Variants in CEP295 observed in about 807,000 individuals in gnomAD.
The protein encoded by CEP295 is centrosomal protein of 295 kDa.
In CEP295, 190 loss-of-function variants were observed where a neutral mutation model predicts 291.6. That is an observed-to-expected ratio of 0.65 (90% CI 0.58 to 0.73). The LOEUF (loss-of-function observed/expected upper bound fraction) is 0.73, where lower values mean the gene tolerates loss of function less well. Ranked by LOEUF, CEP295 falls within the 30% of genes least tolerant of loss-of-function variation. The pLI, the probability that CEP295 is intolerant of heterozygous loss-of-function variation, is 0.00. For synonymous variants in CEP295, 993 were observed against 1,038.8 expected (o/e 0.96, Z 0.85); for missense variants, 2,863 against 2,949.4 (o/e 0.97, Z 0.68).
intron 18 of CEP295, among the ~76,000 whole-genome samples, chr11:93,714,341 TC>T (rs1953096436): frequency 6.6e-6 from 1 of 152,114 alleles, no homozygotes; most frequent in Admixed American, 6.5e-5. Flanking sequence ...ACTTCTGCCT[TC>T]CAGGTTCAGG....
Position 93,697,570 on chromosome 11 carries a change from G to A in CEP295, c.2658G>A (p.Ser886=), listed in dbSNP as rs747546959. The A allele has an allele frequency of 7.1e-6, 11 of 1,551,552 alleles. No individual in the cohort carries two copies. The South Asian group carries it at 7.1e-5, about 10-fold the overall frequency. ...QKEVEQQTGL[S]VFLPLVTPDS... The stretch of plus-strand genomic sequence containing the variant: ...AAGTGGAACAGCAAACGGGCCTCTC[G>A]GTATTCCTTCCCTTGGTAACTCCAG... Residue 886 remains serine (S), a synonymous_variant, in exon 15 of 30, where the codon TCG becomes TCA. Transcript: ENST00000325212.
chr11:93,685,130 G>C (rs1288092003), intron 9 of CEP295, among the ~76,000 whole-genome samples: 2 of 152,194 alleles, frequency 1.3e-5, no homozygotes, highest in African/African-American at 2.4e-5. Context: ...ACCACTGGGA[G>C]TTACCTTTAA....
At chr11:93,708,307 C>T (rs1020306738) in intron 18 of CEP295, among the ~76,000 whole-genome samples, 8 of 152,158 alleles carry the variant, frequency 5.3e-5, no homozygotes, top group East Asian at 1.9e-4. Context: ...CCCCCAACTA[C>T]GCTTCCCAGC....
At chr11:93,691,648 T>C (rs1951558259) in intron 10 of CEP295, 35 bp from the exon 11 acceptor site, 2 of 1,314,668 alleles carry the variant, frequency 1.5e-6, no homozygotes, top group East Asian at 5.1e-5. Flanking sequence ...ACAATGATTA[T>C]ATATTCAAAA....
intron 3 of CEP295, 39 bp from the exon 4 acceptor site, chr11:93,668,769 C>A (rs1950302171): frequency 6.5e-6 from 9 of 1,393,884 alleles, no homozygotes; most frequent in Admixed American, 5.5e-5. Context: ...TTCTATTATT[C>A]TTGTTTAACA....
chr11:93,695,707 C>T (rs1306621493), intron 13 of CEP295, 73 bp downstream of exon 13: 9 of 1,447,234 alleles, frequency 6.2e-6, no homozygotes, highest in Admixed American at 6.7e-5. Context: ...GCACTTGTAG[C>T]GTTTAGAAAA....
In CEP295 at chr11:93,729,659, C is replaced by G. The variant is rs1445862481; in HGVS notation, c.7445C>G (p.Ala2482Gly). 6.4e-7 allele frequency: 1 copy of G among 1,550,594 alleles called. No individual in the cohort carries two copies. The highest frequency in any genetic ancestry group is 8.7e-7 in the Non-Finnish European group (1 of 1,146,702). ...CCTGTACCAGGGAGCTTACAAGAAG[C>G]ATTTATAAAGAGGAAAAAATCATTT... is the stretch of plus-strand genomic sequence containing the variant. ...LTPVPGSLQE[A>G]FIKRKKSFME... Residue 2482 changes from alanine to glycine, a missense_variant, in exon 27 of 30, where the codon GCA becomes GGA. Physicochemically the swap from Ala to Gly is moderately conservative, Grantham distance 60 (BLOSUM62 0). Coordinates refer to ENST00000325212, the MANE Select transcript of CEP295 (RefSeq NM_033395.2).
intron 23 of CEP295, among the ~76,000 whole-genome samples, chr11:93,726,109 GTTTTT>G (rs562686998): frequency 6.6e-6 from 1 of 151,492 alleles, no homozygotes; most frequent in Admixed American, 6.6e-5. Context: ...TTTTTTGTTT[GTTTTT>G]TTTGTTTTTG....
chr11:93,670,368 T>C (rs546253270), intron 5 of CEP295, among the ~76,000 whole-genome samples: 4 of 145,096 alleles, frequency 2.8e-5, no homozygotes, highest in African/African-American at 1.0e-4. Flanking sequence ...GTAAAATGTG[T>C]GCTTTTGTGA....
intron 17 of CEP295, among the ~76,000 whole-genome samples, chr11:93,703,564 G>A (rs1388747583): frequency 3.3e-5 from 5 of 150,678 alleles, no homozygotes; most frequent in Admixed American, 2.6e-4. Context: ...TTTCTTTTAG[G>A]ATACACTCAG....
chr11:93,726,279 C>T (rs1464313378), intron 23 of CEP295, among the ~76,000 whole-genome samples: 5 of 152,200 alleles, frequency 3.3e-5, no homozygotes, highest in Admixed American at 3.3e-4. Flanking sequence ...GGATTACAGG[C>T]ATGTGCCACC....
At position 93,706,840 on chromosome 11, in the gene CEP295, A is replaced by G. The variant is rs748604817; in HGVS notation, c.5692A>G (p.Ser1898Gly). 1.3e-6 allele frequency: 2 copies of G among 1,549,400 alleles called. No homozygotes were observed. The highest frequency in any genetic ancestry group is 1.7e-6 in the Non-Finnish European group (2 of 1,145,832). The change falls in exon 18 of 30, where the codon AGT (serine) becomes GGT (glycine). Residue 1898 changes from serine (S) to glycine (G), a missense_variant. Ser to Gly is a moderately conservative substitution (Grantham distance 56, BLOSUM62 0). Around this residue, in one of 3 missense-constraint regions of CEP295, gnomAD observed 2,295 missense variants for 2,335.7 expected, o/e 0.98. Coordinates refer to ENST00000325212, the MANE Select transcript of CEP295 (RefSeq NM_033395.2). ...FGSPLAHDPF[S>G]CLQLVGQENV... ...GAGCCCACTGGCCCATGATCCGTTTAGTTGTCTTCAACTGGTTGGCCAAGA... is the reference window on the plus strand; with the variant it reads ...GAGCCCACTGGCCCATGATCCGTTTGGTTGTCTTCAACTGGTTGGCCAAGA...
intron 19 of CEP295, chr11:93,721,753 G>T (rs1565215607): frequency 9.6e-6 from 7 of 727,076 alleles, no homozygotes; most frequent in Admixed American, 7.2e-5. Context: ...GAGATTGAGG[G>T]TGGGGGGGTG....
At chr11:93,723,567 G>T in intron 21 of CEP295, 1 of 238,890 alleles carries the variant, frequency 4.2e-6, no homozygotes, top group Non-Finnish European at 8.2e-6. Context: ...TGATAAATAA[G>T]AGCAGGAGCT....
Position 93,696,895 on chromosome 11 carries a change from A to G in CEP295, c.1983A>G (p.Ile661Met). ...LKLSPNKYQPIQPIQTSKLEQ... is the reference protein window; with the variant it reads ...LKLSPNKYQPMQPIQTSKLEQ... ...TGAGTCCTAACAAATACCAACCCAT[A>G]CAACCTATACAGACCTCCAAATTAG... The change falls in exon 15 of 30, where the codon ATA becomes ATG. Residue 661 changes from isoleucine to methionine, a missense_variant. By Grantham distance (10) the Ile-to-Met change is conservative. This residue lies in a region of CEP295 where 2,295 missense variants were observed against 2,335.7 expected (regional missense o/e 0.98). Transcript: ENST00000325212. The G allele has an allele frequency of 6.4e-7, 1 of 1,551,986 alleles. No individual in the cohort carries two copies. Among genetic ancestry groups the G allele is most frequent in the Non-Finnish European group, 8.7e-7 (1 of 1,147,056 alleles).
In CEP295 at chr11:93,669,769, A is replaced by T. The variant is rs1304755020; in HGVS notation, c.527A>T (p.Glu176Val). 3 of 1,546,136 alleles carry T rather than the reference A, an allele frequency of 1.9e-6. No homozygotes were observed. The Admixed American group carries it at 5.9e-5, about 30-fold the overall frequency. Residue 176 changes from glutamate to valine, a missense_variant and splice_region_variant, in exon 5 of 30, where the codon GAG becomes GTG. Physicochemically the swap from Glu to Val is moderately radical, Grantham distance 121 (BLOSUM62 -2). Around this residue, in one of 3 missense-constraint regions of CEP295, gnomAD observed 554 missense variants for 576.0 expected, o/e 0.96. Coordinates refer to ENST00000325212, the MANE Select transcript of CEP295 (RefSeq NM_033395.2). ...CCACCTCCTCCTCCAACTCTTTTTGAGGTGAGTTTGAGTATTAAGAGGAAC... is the reference window on the plus strand; with the variant it reads ...CCACCTCCTCCTCCAACTCTTTTTGTGGTGAGTTTGAGTATTAAGAGGAAC... ...SLPPPPPTLF[E>V]NIEVKRISAV...
At chr11:93,703,267 AT>A (rs1411124402) in intron 17 of CEP295, among the ~76,000 whole-genome samples, 1 of 151,940 alleles carries the variant, frequency 6.6e-6, no homozygotes, top group Non-Finnish European at 1.5e-5. Context: ...CCTGGTCTAC[AT>A]TTTTTCAGAG....
Position 93,729,706 on chromosome 11 carries a change from CAGAA to C in CEP295, c.7498_7501del (p.Glu2500Ter), listed in dbSNP as rs1938121459. 7.1e-6 allele frequency: 11 copies of C among 1,549,728 alleles called. No homozygotes were observed. The highest frequency in any genetic ancestry group is 9.6e-6 in the Non-Finnish European group (11 of 1,145,458). ...ATTTATGGAGAGATCCCACCAGAGG[CAGAA>C]AGAAATAAGGAATAAAATTCATGTC... On this transcript the variant is annotated frameshift_variant, in exon 27 of 30. Transcript: ENST00000325212. LOFTEE classifies it high-confidence loss of function.
chr11:93,662,273 G>C (rs1487325645), intron 1 of CEP295, among the ~76,000 whole-genome samples: 2 of 152,208 alleles, frequency 1.3e-5, no homozygotes, highest in Admixed American at 1.3e-4. Context: ...TTAATACTTA[G>C]AGTGTATTTG....
Sources: allele counts gnomAD v4.1 joint callset (sites outside exome capture counted in the v4.1 genomes callset), GRCh38; gene constraint gnomAD v4.1.1; regional missense constraint gnomAD v4.1.1; transcripts MANE v1.5; gene names NCBI Gene and HGNC (gene_info 2026-07-23, HGNC 2026-07-21).